The following TTC28 variants were observed in gnomAD, a reference collection of about 807,000 sequenced individuals.
TTC28 encodes the protein tetratricopeptide repeat protein 28.
Under a neutral mutation model 198.0 loss-of-function variants are expected in TTC28, and 61 were observed. That is an observed-to-expected ratio of 0.31 (90% CI 0.25 to 0.38). The LOEUF is 0.38. Among genes scored for constraint, TTC28 ranks in the 10% least tolerant of loss-of-function variants. TTC28 has a pLI of 1.00. For synonymous variants in TTC28, 1,171 were observed against 1,297.8 expected, an observed-to-expected ratio of 0.90 and a Z score of 2.10; for missense variants, 2,678 against 3,164.0, an observed-to-expected ratio of 0.85 and a Z score of 3.69.
intron 2 of TTC28, among the ~76,000 whole-genome samples, chr22:28,522,663 T>C (rs1036268108): frequency 6.6e-6 from 1 of 152,006 alleles, no homozygotes; most frequent in East Asian, 1.9e-4. Flanking sequence ...TGGACAATAA[T>C]GAACTGAAGC....
At chr22:28,044,312 C>T (rs139018259) in intron 12 of TTC28, among the ~76,000 whole-genome samples, 12 of 152,128 alleles carry the variant, frequency 7.9e-5, no homozygotes, top group Non-Finnish European at 1.3e-4. Flanking sequence ...GGAAGGCAAA[C>T]GATACATTAA....
intron 5 of TTC28, among the ~76,000 whole-genome samples, chr22:28,266,765 T>C (rs1403439712): frequency 2.0e-5 from 3 of 152,120 alleles, no homozygotes; most frequent in Admixed American, 2.0e-4. Context: ...CAAAAATAAA[T>C]GTGTATGGCT....
intron 12 of TTC28, among the ~76,000 whole-genome samples, chr22:28,044,944 C>A (rs1056874539): frequency 2.0e-5 from 3 of 152,136 alleles, no homozygotes; most frequent in Non-Finnish European, 4.4e-5. Flanking sequence ...GTGATCAAAT[C>A]CATAAATAGG....
intron 12 of TTC28, among the ~76,000 whole-genome samples, chr22:28,049,313 C>T (rs1027798313): frequency 6.6e-6 from 1 of 152,148 alleles, no homozygotes; most frequent in Non-Finnish European, 1.5e-5. Context: ...CCAAGGAGAA[C>T]CAAGTCAGTC....
chr22:28,034,327 C>A (rs1939246604), intron 12 of TTC28, among the ~76,000 whole-genome samples: 1 of 152,088 alleles, frequency 6.6e-6, no homozygotes, highest in Admixed American at 6.6e-5. Context: ...GCTAGGGAGG[C>A]ACCAAAAGCT....
Position 28,464,123 on chromosome 22 carries a change from T to C in TTC28, c.382-157480A>G, listed in dbSNP as rs529660997. Among the ~76,000 whole-genome samples the C allele has an allele frequency of 2.6e-5, 4 of 152,202 alleles. No homozygotes were observed. The East Asian group carries it at 7.8e-4, about 29-fold the overall frequency. On this transcript the variant is annotated intron_variant, in intron 2 of 22. Coordinates refer to ENST00000397906, the MANE Select transcript of TTC28 (RefSeq NM_001145418.2). The stretch of plus-strand genomic sequence containing the variant: ...GTAAGGTAAGAGACATTTAACCCTT[T>C]CCATCATCTTCCTTCACATACTAAC...
At chr22:27,995,724 C>A (rs746999104) in intron 17 of TTC28, among the ~76,000 whole-genome samples, 1 of 152,178 alleles carries the variant, frequency 6.6e-6, no homozygotes, top group Non-Finnish European at 1.5e-5. Flanking sequence ...CACTGAGGCT[C>A]GGAGAGCCAA....
intron 2 of TTC28, among the ~76,000 whole-genome samples, chr22:28,481,315 A>G (rs537309034): frequency 6.6e-6 from 1 of 152,202 alleles, no homozygotes; most frequent in Non-Finnish European, 1.5e-5. Context: ...TTACTGTTAG[A>G]TATTTCCCCA....
chr22:28,622,418 CAGTTCT>C (rs2051014466), intron 2 of TTC28, among the ~76,000 whole-genome samples: 1 of 151,582 alleles, frequency 6.6e-6, no homozygotes, highest in South Asian at 2.1e-4. Context: ...ACAGAGTTTG[CAGTTCT>C]AGTCTAACCA....
rs2052065905 is a variant in TTC28 at position 28,679,791 on chromosome 22, C to T, written c.-68G>A. ...CGCCAGCTAGGCGCGCGCGCCGGTT[C>T]CGCGCGCCATGTTCCCGCCGTGCTG... On this transcript the variant is annotated 5_prime_UTR_variant, in exon 1 of 23. Coordinates refer to ENST00000397906, the MANE Select transcript of TTC28 (RefSeq NM_001145418.2). The T allele has an allele frequency of 4.7e-6, 4 of 857,656 alleles. No homozygotes were observed. The East Asian group carries it at 1.4e-4, about 29-fold the overall frequency. The allele number at this position is 857,656 out of a possible 1,614,324, so 53.1% of individuals were successfully genotyped here.
At chr22:28,210,374 G>T (rs1275548201) in intron 5 of TTC28, among the ~76,000 whole-genome samples, 1 of 152,094 alleles carries the variant, frequency 6.6e-6, no homozygotes, top group African/African-American at 2.4e-5. Flanking sequence ...TCGAAGAAAA[G>T]AAGCTAAAAA....
At chr22:28,505,345 C>T (rs1023014432) in intron 2 of TTC28, among the ~76,000 whole-genome samples, 2 of 152,036 alleles carry the variant, frequency 1.3e-5, no homozygotes, top group East Asian at 1.9e-4. Flanking sequence ...TGCGGCACTC[C>T]GAAAGGAATG....
At chr22:28,525,837 C>A (rs749068711) in intron 2 of TTC28, among the ~76,000 whole-genome samples, 1 of 152,164 alleles carries the variant, frequency 6.6e-6, no homozygotes, top group Non-Finnish European at 1.5e-5. Flanking sequence ...TATTTAGTAA[C>A]TCCATAAGTA....
chr22:28,674,493 A>G (rs1054973933), intron 1 of TTC28, among the ~76,000 whole-genome samples: 2 of 152,136 alleles, frequency 1.3e-5, no homozygotes, highest in Admixed American at 6.6e-5. Context: ...TTACTATGCA[A>G]TTATACATAT....
intron 2 of TTC28, among the ~76,000 whole-genome samples, chr22:28,439,062 A>AATATAGGTTT (rs2047571143): frequency 1.3e-5 from 2 of 152,248 alleles, no homozygotes; most frequent in African/African-American, 2.4e-5. Flanking sequence ...AAAGCCTAAA[A>AATATAGGTTT]ATATAGGTTT....
Position 28,053,330 on chromosome 22 carries a change from A to G in TTC28, c.3933-22964T>C, listed in dbSNP as rs538457478. Among the ~76,000 whole-genome samples, 32 of 152,322 alleles carry G rather than the reference A, an allele frequency of 2.1e-4. 1 individual carries two copies. The highest frequency in any genetic ancestry group is 7.2e-4 in the African/African-American group (30 of 41,574). On this transcript the variant is annotated intron_variant, in intron 12 of 22. Coordinates refer to ENST00000397906, the MANE Select transcript of TTC28 (RefSeq NM_001145418.2). ...GTGGTTTATGTATTTTTTTAACCTTAAAGAAGCATAATCAGATAGTGGCTA... is the reference window on the plus strand; with the variant it reads ...GTGGTTTATGTATTTTTTTAACCTTGAAGAAGCATAATCAGATAGTGGCTA...
At chr22:28,247,455 C>A (rs1930187526) in intron 5 of TTC28, among the ~76,000 whole-genome samples, 1 of 152,154 alleles carries the variant, frequency 6.6e-6, no homozygotes, top group Admixed American at 6.5e-5. Context: ...AGGCACTGGG[C>A]TGGGCACCCA....
chr22:28,395,358 G>A (rs1274459382), intron 2 of TTC28, among the ~76,000 whole-genome samples: 1 of 151,882 alleles, frequency 6.6e-6, no homozygotes, highest in Non-Finnish European at 1.5e-5. Flanking sequence ...GACAAGTGTG[G>A]TACTAGAAAA....
At chr22:28,401,830 T>C (rs1004884827) in intron 2 of TTC28, among the ~76,000 whole-genome samples, 4 of 152,150 alleles carry the variant, frequency 2.6e-5, no homozygotes, top group Non-Finnish European at 4.4e-5. Context: ...CAGGAGAGCA[T>C]AGACATAATC....
Sources: gnomAD v4.1 joint callset for allele counts (sites outside exome capture counted in the v4.1 genomes callset) on GRCh38, gnomAD v4.1.1 for gene constraint, MANE v1.5 for transcripts, NCBI Gene and HGNC (gene_info 2026-07-23, HGNC 2026-07-21) for gene names.